AOPEP: variants seen among roughly 807,000 people sequenced by gnomAD.
AOPEP encodes aminopeptidase O.
In AOPEP, 77 loss-of-function variants were observed where a neutral mutation model predicts 98.1. The ratio of observed to expected loss-of-function variants is 0.78; its 90% CI spans 0.65 to 0.95. AOPEP has a LOEUF of 0.95. AOPEP is among the 40% of genes least tolerant of loss of function. The pLI is 0.00. For missense variants in AOPEP, 1,024 were observed against 1,024.7 expected (o/e 1.00, Z 0.01); for synonymous variants, 346 against 365.3 (o/e 0.95, Z 0.60).
intron 5 of AOPEP, among the ~76,000 whole-genome samples, chr9:94,816,198 A>G (rs1851665915): frequency 6.6e-6 from 1 of 152,136 alleles, no homozygotes; most frequent in African/African-American, 2.4e-5. Context: ...CTGGCCTTGT[A>G]GATAGTTCCA....
intron 9 of AOPEP, 52 bp from the exon 10 acceptor site, chr9:94,967,706 C>T (rs1288655860): frequency 3.0e-5 from 45 of 1,501,854 alleles, no homozygotes; most frequent in Non-Finnish European, 3.4e-5. Context: ...TGGTTCCAGG[C>T]AGAGTTATTT....
intron 2 of AOPEP, among the ~76,000 whole-genome samples, chr9:94,770,635 AAATG>A (rs1218697724): frequency 6.6e-6 from 1 of 152,362 alleles, no homozygotes; most frequent in Admixed American, 6.5e-5. Context: ...GGCCCAGAGT[AAATG>A]ATGGGAGAGA....
At chr9:94,886,573 T>C (rs896091013) in intron 5 of AOPEP, among the ~76,000 whole-genome samples, 1 of 152,194 alleles carries the variant, frequency 6.6e-6, no homozygotes, top group Non-Finnish European at 1.5e-5. Context: ...ACAAACATAT[T>C]AGTTTCTGAG....
chr9:95,094,825 C>T, the AOPEP span, among the ~76,000 whole-genome samples: 2 of 152,140 alleles, frequency 1.3e-5, no homozygotes, highest in African/African-American at 4.8e-5. Flanking sequence ...GCCACCATGC[C>T]CAGCTAATTT....
At position 94,932,730 on chromosome 9, in the gene AOPEP, T is replaced by A. The variant is rs369341509; in HGVS notation, c.1661+4199T>A. The A allele has an allele frequency of 2.2e-5, 19 of 867,726 alleles. No individual in the cohort carries two copies. The Admixed American group carries it at 6.2e-4, about 28-fold the overall frequency. 53.8% of individuals were successfully genotyped at this position (867,726 alleles called of 1,614,324 possible). On this transcript the variant is annotated intron_variant, in intron 7 of 16. Coordinates refer to ENST00000375315, the MANE Select transcript of AOPEP (RefSeq NM_001193329.3). ...AACTCCTAACCTCAAGTGATCTGCC[T>A]GCTTCGGCCTCCCAAAGTGCTGGGA...
intron 5 of AOPEP, among the ~76,000 whole-genome samples, chr9:94,883,779 A>G (rs2047866773): frequency 6.6e-6 from 1 of 152,206 alleles, no homozygotes; most frequent in Non-Finnish European, 1.5e-5. Context: ...AGTTGATGGC[A>G]GAGGATGTTA....
the AOPEP span, chr9:95,110,849 A>AAAAT: frequency 1.7e-6 from 2 of 1,175,148 alleles, no homozygotes; most frequent in Non-Finnish European, 2.1e-6. Flanking sequence ...TATTCCACAT[A>AAAAT]AAATAACAAC....
chr9:94,948,258 T>C (rs1445743301), intron 7 of AOPEP, among the ~76,000 whole-genome samples: 3 of 151,876 alleles, frequency 2.0e-5, no homozygotes, highest in African/African-American at 7.3e-5. Flanking sequence ...TAGCAAATAA[T>C]TAATCAACAC....
intron 2 of AOPEP, among the ~76,000 whole-genome samples, chr9:94,765,472 TAATAA>T (rs1839380386): frequency 4.1e-5 from 6 of 147,254 alleles, no homozygotes; most frequent in Non-Finnish European, 7.5e-5. Flanking sequence ...ATAATAATAA[TAATAA>T]TAAGTCACAG....
intron 7 of AOPEP, among the ~76,000 whole-genome samples, chr9:94,951,019 G>A (rs1166735947): frequency 1.3e-5 from 2 of 152,352 alleles, no homozygotes; most frequent in African/African-American, 4.8e-5. Flanking sequence ...TGCCTCTGTG[G>A]TTGTGGTGGA....
intron 13 of AOPEP, among the ~76,000 whole-genome samples, chr9:95,007,691 C>CA (rs1023384248): frequency 6.6e-5 from 10 of 152,138 alleles, no homozygotes; most frequent in African/African-American, 2.4e-4. Context: ...TCAGTGTTTC[C>CA]AATGTTTCTC....
At position 94,930,491 on chromosome 9, in the gene AOPEP, C is replaced by A. The variant is rs988658308; in HGVS notation, c.1661+1960C>A. On this transcript the variant is annotated intron_variant, in intron 7 of 16. Coordinates refer to ENST00000375315, the MANE Select transcript of AOPEP (RefSeq NM_001193329.3). The surrounding 1 kb of genome is among the most constrained non-coding windows in gnomAD (Gnocchi z 4.5). ...TCACTGGAGAGACTGGAACATTCAGCCTATAAAACCCTTTAAATCTTGAAC... is the reference window on the plus strand; with the variant it reads ...TCACTGGAGAGACTGGAACATTCAGACTATAAAACCCTTTAAATCTTGAAC... 3.3e-5 allele frequency among the ~76,000 whole-genome samples: 5 copies of A among 152,090 alleles called. No individual in the cohort carries two copies. The highest frequency in any genetic ancestry group is 7.4e-5 in the Non-Finnish European group (5 of 68,026).
In AOPEP at chr9:94,764,862, T is replaced by C. The variant is rs188760708; in HGVS notation, c.797+4282T>C. Reference sequence around the variant, plus strand: ...CTGTATATTATCTTTGTGATTTTTATTTTTAGTTTTTATTTTATTATTATT... The same window carrying C: ...CTGTATATTATCTTTGTGATTTTTACTTTTAGTTTTTATTTTATTATTATT... On this transcript the variant is annotated intron_variant, in intron 2 of 16. Transcript: ENST00000375315. Among the ~76,000 whole-genome samples the C allele has an allele frequency of 3.9e-5, 6 of 152,238 alleles. No homozygotes were observed. In the East Asian group the frequency reaches 1.2e-3, roughly 29 times the overall value.
At chr9:95,048,217 T>A (rs890727115) in intron 13 of AOPEP, among the ~76,000 whole-genome samples, 6 of 152,136 alleles carry the variant, frequency 3.9e-5, no homozygotes, top group Admixed American at 3.9e-4. Flanking sequence ...TATGCTATAG[T>A]TTTAAACTTT....
At chr9:94,987,466 A>G (rs2060593263) in intron 11 of AOPEP, among the ~76,000 whole-genome samples, 1 of 152,202 alleles carries the variant, frequency 6.6e-6, no homozygotes, top group South Asian at 2.1e-4. Context: ...CAGTGCTGGG[A>G]AGCTGATTAA....
In AOPEP at chr9:94,925,544, G is replaced by T. The variant is rs1425410419; in HGVS notation, c.1554+1369G>T. ...ACACTGTGGGTTCCCACAATACTTG[G>T]TGCTTACCTTTTTAAACTTATTTTA... is the stretch of plus-strand genomic sequence containing the variant. On this transcript the variant is annotated intron_variant, in intron 6 of 16. Coordinates refer to ENST00000375315, the MANE Select transcript of AOPEP (RefSeq NM_001193329.3). 2.0e-5 allele frequency among the ~76,000 whole-genome samples: 3 copies of T among 152,220 alleles called. No individual in the cohort carries two copies. In the East Asian group the frequency reaches 5.8e-4, roughly 29 times the overall value.
At chr9:95,145,674 C>G in the AOPEP span, among the ~76,000 whole-genome samples, 1 of 152,144 alleles carries the variant, frequency 6.6e-6, no homozygotes, top group African/African-American at 2.4e-5. Context: ...AGTGATACTG[C>G]CGCACGCACA....
chr9:94,841,474 A>G (rs1044762394), intron 5 of AOPEP, among the ~76,000 whole-genome samples: 1 of 151,730 alleles, frequency 6.6e-6, no homozygotes, highest in African/African-American at 2.4e-5. Context: ...GTGCCTGGCC[A>G]CTCCACACAT....
At chr9:95,107,020 T>C in the AOPEP span, 2 of 1,601,056 alleles carry the variant, frequency 1.2e-6, no homozygotes, top group Non-Finnish European at 8.6e-7. Flanking sequence ...ACCTCTCGCC[T>C]GGAGCAGAAA....
Sources: gnomAD v4.1 joint callset for allele counts (sites outside exome capture counted in the v4.1 genomes callset) on GRCh38, gnomAD v4.1.1 for gene constraint, Gnocchi (gnomAD v3.1) non-coding constraint, MANE v1.5 for transcripts, NCBI Gene and HGNC (gene_info 2026-07-23, HGNC 2026-07-21) for gene names.